SSBP2: variants seen among roughly 807,000 people sequenced by gnomAD.
The protein encoded by SSBP2 is single stranded DNA binding protein 2.
A neutral mutation model predicts 61.8 loss-of-function variants in SSBP2; 17 were observed. That is an observed-to-expected ratio of 0.28 (90% CI 0.19 to 0.41). SSBP2 has a LOEUF of 0.41. Among genes scored for constraint, SSBP2 ranks in the 10% least tolerant of loss-of-function variants. The pLI is 1.00. For synonymous variants in SSBP2, 139 were observed against 141.3 expected, an observed-to-expected ratio of 0.98 and a Z score of 0.12; for missense variants, 310 against 458.7, an observed-to-expected ratio of 0.68 and a Z score of 2.96.
intron 4 of SSBP2, among the ~76,000 whole-genome samples, chr5:81,563,443 A>G (rs562951165): frequency 2.9e-4 from 44 of 152,202 alleles, no homozygotes; most frequent in Non-Finnish European, 5.3e-4. Context: ...GACTTGGTTT[A>G]GACAAGAACT....
At chr5:81,667,286 TACACAC>T (rs71605804) in intron 1 of SSBP2, among the ~76,000 whole-genome samples, 10,816 of 133,702 alleles carry the variant, frequency 0.081, 489 homozygotes, top group Admixed American at 0.18. Flanking sequence ...GGGATACAGA[TACACAC>T]ACACACACAC....
chr5:81,531,686 A>G (rs972478765), intron 4 of SSBP2, among the ~76,000 whole-genome samples: 1 of 152,124 alleles, frequency 6.6e-6, no homozygotes, highest in Non-Finnish European at 1.5e-5. Flanking sequence ...AAAATGCTAG[A>G]TAAGAAAGAC....
chr5:81,575,116 A>C (rs1189116499), intron 4 of SSBP2, among the ~76,000 whole-genome samples: 1 of 152,134 alleles, frequency 6.6e-6, no homozygotes, highest in East Asian at 1.9e-4. Context: ...AAAAATACAA[A>C]AATTAGCTGG....
intron 5 of SSBP2, among the ~76,000 whole-genome samples, chr5:81,494,974 G>T (rs908720026): frequency 3.9e-5 from 6 of 152,010 alleles, no homozygotes; most frequent in Admixed American, 2.6e-4. Context: ...ATTATATCAA[G>T]AATTATTCAT....
Position 81,420,428 on chromosome 5 carries a change from A to G in SSBP2, c.*76T>C. The G allele has an allele frequency of 7.2e-7, 1 of 1,379,438 alleles. No homozygotes were observed. The highest frequency in any genetic ancestry group is 1.7e-5 in the Admixed American group (1 of 59,446). The allele number at this position is 1,379,438 out of a possible 1,614,324, so 85.4% of individuals were successfully genotyped here. A position where few individuals can be genotyped will look rare whatever the true frequency, so the allele number is the denominator to read the frequency against. On this transcript the variant is annotated 3_prime_UTR_variant, in exon 17 of 17. Transcript: ENST00000320672. ...TTCCTTTGTTTAACTGTACACTGTG[A>G]TGAATAATTTTCTTCCGTAGTAGTT...
At chr5:81,715,209 T>C (rs1755095804) in intron 1 of SSBP2, among the ~76,000 whole-genome samples, 1 of 151,810 alleles carries the variant, frequency 6.6e-6, no homozygotes, top group African/African-American at 2.4e-5. Context: ...CTCAATAAAA[T>C]TGCCAGAACA....
At chr5:81,560,778 ATATT>A (rs1772983210) in intron 4 of SSBP2, among the ~76,000 whole-genome samples, 1 of 152,230 alleles carries the variant, frequency 6.6e-6, no homozygotes, top group South Asian at 2.1e-4. Context: ...AACATTGTAT[ATATT>A]TAAGGTATTA....
rs79989747 is a variant in SSBP2, at chr5:81,725,506, C to T, written c.62+25475G>A. 5.1e-3 allele frequency among the ~76,000 whole-genome samples: 781 copies of T among 151,968 alleles called. 5 individuals carry two copies. The highest frequency in any genetic ancestry group is 0.018 in the African/African-American group (742 of 41,436). On this transcript the variant is annotated intron_variant, in intron 1 of 16. Transcript: ENST00000320672. ...ATATATACCCTATTATCCAGAGATC[C>T]CACTCTGAAAAATCAAAGTTCTCCC...
chr5:81,455,696 C>T (rs1158213357), intron 10 of SSBP2, among the ~76,000 whole-genome samples: 2 of 146,538 alleles, frequency 1.4e-5, no homozygotes, highest in African/African-American at 4.9e-5. Flanking sequence ...ATTAAATACT[C>T]ATTAAGATGA....
chr5:81,526,312 A>C (rs1157366054), intron 4 of SSBP2, among the ~76,000 whole-genome samples: 2 of 152,050 alleles, frequency 1.3e-5, no homozygotes, highest in African/African-American at 4.8e-5. Flanking sequence ...TTTTATCTAG[A>C]ACAAATTGTT....
chr5:81,422,987 C>G (rs1380185760), intron 16 of SSBP2, among the ~76,000 whole-genome samples: 1 of 152,210 alleles, frequency 6.6e-6, no homozygotes, highest in African/African-American at 2.4e-5. Context: ...TATCCAGAGC[C>G]TGCGGCTAAA....
chr5:81,662,667 T>C (rs1040203349), intron 1 of SSBP2, among the ~76,000 whole-genome samples: 5 of 151,902 alleles, frequency 3.3e-5, no homozygotes, highest in African/African-American at 4.8e-5. Flanking sequence ...CTGGGCATGG[T>C]GGTGGACATC....
At chr5:81,675,336 A>C (rs945685113) in intron 1 of SSBP2, among the ~76,000 whole-genome samples, 5 of 152,148 alleles carry the variant, frequency 3.3e-5, no homozygotes. Context: ...GTTTGGCCAA[A>C]GAGTTGTAGA....
intron 4 of SSBP2, among the ~76,000 whole-genome samples, chr5:81,540,044 C>T (rs527721359): frequency 7.3e-4 from 111 of 152,274 alleles, no homozygotes; most frequent in African/African-American, 2.5e-3. Context: ...TTTCCAGCTT[C>T]GTCCATGTCC....
intron 15 of SSBP2, among the ~76,000 whole-genome samples, chr5:81,434,721 A>G (rs1762566851): frequency 6.6e-6 from 1 of 152,014 alleles, no homozygotes; most frequent in South Asian, 2.1e-4. Flanking sequence ...AATTACTCGA[A>G]AAAAACAGGA....
chr5:81,727,646 G>A (rs757278356), intron 1 of SSBP2, among the ~76,000 whole-genome samples: 21 of 152,182 alleles, frequency 1.4e-4, no homozygotes, highest in Non-Finnish European at 2.1e-4. Flanking sequence ...CATCAAATGC[G>A]TATAATTTGA....
At chr5:81,662,686 C>G (rs996917151) in intron 1 of SSBP2, among the ~76,000 whole-genome samples, 1 of 152,024 alleles carries the variant, frequency 6.6e-6, no homozygotes, top group African/African-American at 2.4e-5. Flanking sequence ...TCTGTAATCT[C>G]AGCTACTCAG....
At chr5:81,663,319 G>A (rs771227857) in intron 1 of SSBP2, among the ~76,000 whole-genome samples, 3 of 151,780 alleles carry the variant, frequency 2.0e-5, no homozygotes, top group African/African-American at 7.3e-5. Flanking sequence ...TATATAATAC[G>A]ACTATATATA....
In SSBP2 at chr5:81,417,468, T is replaced by C. The variant is rs1761355515; in HGVS notation, c.*3036A>G. On this transcript the variant is annotated 3_prime_UTR_variant, in exon 17 of 17. Coordinates refer to ENST00000320672, the MANE Select transcript of SSBP2 (RefSeq NM_012446.5). The stretch of plus-strand genomic sequence containing the variant: ...TGCTTACTTTTTCATTTTACATGTG[T>C]ATTTAATATGTTCAATGCAGCAAGA... 1 of 152,230 alleles carries C rather than the reference T, an allele frequency of 6.6e-6. No individual in the cohort carries two copies. The highest frequency in any genetic ancestry group is 1.5e-5 in the Non-Finnish European group (1 of 68,044). The allele number at this position is 152,230 out of a possible 1,614,324, so 9.4% of individuals were successfully genotyped here.
Sources: gnomAD v4.1 joint callset for allele counts (sites outside exome capture counted in the v4.1 genomes callset) on GRCh38, gnomAD v4.1.1 for gene constraint, MANE v1.5 for transcripts, NCBI Gene and HGNC (gene_info 2026-07-23, HGNC 2026-07-21) for gene names.